Variants in SMO observed in about 807,000 individuals in gnomAD.
The protein encoded by SMO is smoothened, frizzled class receptor.
Under a neutral mutation model 81.6 loss-of-function variants are expected in SMO, and 40 were observed. The ratio of observed to expected loss-of-function variants is 0.49; its 90% CI spans 0.38 to 0.64. The LOEUF is 0.64. SMO is among the 30% of genes least tolerant of loss of function. The probability of loss-of-function intolerance (pLI) is 0.00; values close to 1 mark genes in which losing one functional copy is unlikely to be tolerated. For synonymous variants in SMO, 434 were observed against 432.1 expected, an observed-to-expected ratio of 1.00 and a Z score of -0.05; for missense variants, 916 against 1,061.1, an observed-to-expected ratio of 0.86 and a Z score of 1.90.
intron 1 of SMO, among the ~76,000 whole-genome samples, chr7:129,194,687 A>G (rs1358332363): frequency 6.6e-6 from 1 of 152,226 alleles, no homozygotes; most frequent in Non-Finnish European, 1.5e-5. Context: ...GTACAAAATA[A>G]TATGCTGTGC....
chr7:129,194,851 C>T (rs1164337361), intron 1 of SMO, among the ~76,000 whole-genome samples: 1 of 152,144 alleles, frequency 6.6e-6, no homozygotes, highest in African/African-American at 2.4e-5. Context: ...GGCGCGATCT[C>T]GGCTCACTAC....
At position 129,206,678 on chromosome 7, in the gene SMO, A is replaced by G. The variant is rs1436077259; in HGVS notation, c.1264+91A>G. 3 of 1,421,442 alleles carry G rather than the reference A, an allele frequency of 2.1e-6. No individual in the cohort carries two copies. Among genetic ancestry groups the G allele is most frequent in the Non-Finnish European group, 2.9e-6 (3 of 1,034,048 alleles). 88.1% of individuals were successfully genotyped at this position (1,421,442 alleles called of 1,614,324 possible). On this transcript the variant is annotated intron_variant, in intron 6 of 11. Coordinates refer to ENST00000249373, the MANE Select transcript of SMO (RefSeq NM_005631.5). This position sits in a 1 kb window ranked among gnomAD's most constrained non-coding sequence, Gnocchi z 4.4. The stretch of plus-strand genomic sequence containing the variant: ...GGGAGCTGCCAGCACGGCTGCCCCC[A>G]TGCTGAAACCCCAGCTAGCTCCTAT...
Position 129,206,545 on chromosome 7 carries a change from A to G in SMO, c.1222A>G (p.Ile408Val), listed in dbSNP as rs748959667. 2.5e-5 allele frequency: 40 copies of G among 1,614,048 alleles called. No homozygotes were observed. Among genetic ancestry groups the G allele is most frequent in the South Asian group, 3.3e-5 (3 of 91,084 alleles). The change falls in exon 6 of 12, where the codon ATC (isoleucine) becomes GTC (valine). Residue 408 changes from isoleucine to valine, a missense_variant. By Grantham distance (29) the Ile-to-Val change is conservative. Transcript: ENST00000249373. This position sits in a 1 kb window ranked among gnomAD's most constrained non-coding sequence, Gnocchi z 4.4. ...RYRAGFVLAP[I>V]GLVLIVGGYF... ...CCGTGCGGGCTTCGTGCTGGCCCCA[A>G]TCGGCCTGGTGCTCATCGTGGGAGG... is the stretch of plus-strand genomic sequence containing the variant.
In SMO at chr7:129,206,526, G is replaced by T. The variant is rs117663825; in HGVS notation, c.1203G>T (p.Ala401=). 4.3e-6 allele frequency: 7 copies of T among 1,614,174 alleles called. No homozygotes were observed. In the South Asian group the frequency reaches 7.7e-5, roughly 18 times the overall value. ...FVGYKNYRYR[A]GFVLAPIGLV... is the part of the protein sequence containing the mutation. ...GCTACAAGAACTACCGATACCGTGC[G>T]GGCTTCGTGCTGGCCCCAATCGGCC... is the stretch of plus-strand genomic sequence containing the variant. The change falls in exon 6 of 12, where the codon GCG becomes GCT. Residue 401 remains alanine, a synonymous_variant. Coordinates refer to ENST00000249373, the MANE Select transcript of SMO (RefSeq NM_005631.5). This position sits in a 1 kb window ranked among gnomAD's most constrained non-coding sequence, Gnocchi z 4.4.
Position 129,210,615 on chromosome 7 carries a change from G to T in SMO, c.1652+67G>T, listed in dbSNP as rs2150654183. The stretch of plus-strand genomic sequence containing the variant: ...CCTCAGCCTTGGGACCCCATCTTTA[G>T]GTTTTGTCGGGTCCTGCCTCTAGCA... On this transcript the variant is annotated intron_variant, in intron 9 of 11. Transcript: ENST00000249373. This position sits in a 1 kb window ranked among gnomAD's most constrained non-coding sequence, Gnocchi z 4.7. The T allele has an allele frequency of 7.8e-7, 1 of 1,287,030 alleles. No individual in the cohort carries two copies. 79.7% of individuals were successfully genotyped at this position (1,287,030 alleles called of 1,614,324 possible).
Position 129,208,703 on chromosome 7 carries a change from C to T in SMO, c.1265-56C>T, listed in dbSNP as rs2150652055. 1.8e-6 allele frequency: 2 copies of T among 1,126,180 alleles called. No individual in the cohort carries two copies. The highest frequency in any genetic ancestry group is 1.3e-6 in the Non-Finnish European group (1 of 741,642). 69.8% of individuals were successfully genotyped at this position (1,126,180 alleles called of 1,614,324 possible). Reference sequence around the variant, plus strand: ...AGGACCCTCCTCCCACTCACCCATCCTTCCCAGCAGGGCAGCCTCACCCCT... The same window carrying T: ...AGGACCCTCCTCCCACTCACCCATCTTTCCCAGCAGGGCAGCCTCACCCCT... On this transcript the variant is annotated intron_variant, in intron 6 of 11. Coordinates refer to ENST00000249373, the MANE Select transcript of SMO (RefSeq NM_005631.5). This position sits in a 1 kb window ranked among gnomAD's most constrained non-coding sequence, Gnocchi z 5.2.
chr7:129,212,450 G>C lies in SMO; in HGVS notation c.2363G>C (p.Ter788SerextTer38), dbSNP rs2150657427. 1 of 1,609,172 alleles carries C rather than the reference G, an allele frequency of 6.2e-7. No individual in the cohort carries two copies. Among genetic ancestry groups the C allele is most frequent in the South Asian group, 1.1e-5 (1 of 91,002 alleles). The change falls in exon 12 of 12, where the codon TGA becomes TCA. Residue 788 changes from the stop codon to serine, a stop_lost. Transcript: ENST00000249373. This position sits in a 1 kb window ranked among gnomAD's most constrained non-coding sequence, Gnocchi z 5.0. ...TELMDADSDF* is the reference protein window; with the variant it reads ...TELMDADSDFS ...CTCATGGATGCAGACTCGGACTTCT[G>C]AGCCTGCAGAGCAGGACCTGGGACA...
chr7:129,206,290 C>T lies in SMO; in HGVS notation c.1061C>T (p.Ser354Leu), dbSNP rs200099832. ...CTGGGCACCACCTACCAGCCTCTCT[C>T]GGGCAAGACCTCCTACTTCCACCTG... Reference protein sequence around the residue: ...KALGTTYQPLSGKTSYFHLLT... With the variant: ...KALGTTYQPLLGKTSYFHLLT... Residue 354 changes from serine to leucine, a missense_variant, in exon 5 of 12, where the codon TCG (serine) becomes TTG (leucine). Physicochemically the swap from Ser to Leu is moderately radical, Grantham distance 145. Around this residue, in one of 4 missense-constraint regions of SMO, gnomAD observed 436 missense variants for 570.9 expected, o/e 0.76. Transcript: ENST00000249373. The surrounding 1 kb of genome is among the most constrained non-coding windows in gnomAD (Gnocchi z 4.4). 6.8e-6 allele frequency: 11 copies of T among 1,614,220 alleles called. No homozygotes were observed. Among genetic ancestry groups the T allele is most frequent in the South Asian group, 5.5e-5 (5 of 91,076 alleles).
intron 1 of SMO, among the ~76,000 whole-genome samples, chr7:129,194,276 C>T (rs1380898924): frequency 6.6e-6 from 1 of 152,066 alleles, no homozygotes; most frequent in Non-Finnish European, 1.5e-5. Flanking sequence ...GGCTGGAGTG[C>T]AGTGGCTATT....
chr7:129,189,882 G>A lies in SMO; in HGVS notation c.331+400G>A, dbSNP rs2150638890. On this transcript the variant is annotated intron_variant, in intron 1 of 11. Coordinates refer to ENST00000249373, the MANE Select transcript of SMO (RefSeq NM_005631.5). This position sits in a 1 kb window ranked among gnomAD's most constrained non-coding sequence, Gnocchi z 4.7. Reference sequence around the variant, plus strand: ...ACCCTGGGGAAATTGGAGTTGGAGAGGAAAAGGGGAGGGATGACGGAGGAA... The same window carrying A: ...ACCCTGGGGAAATTGGAGTTGGAGAAGAAAAGGGGAGGGATGACGGAGGAA... 6.6e-6 allele frequency among the ~76,000 whole-genome samples: 1 copy of A among 152,250 alleles called. No homozygotes were observed. The highest frequency in any genetic ancestry group is 1.9e-4 in the East Asian group (1 of 5,182).
chr7:129,210,279 TGG>T lies in SMO; in HGVS notation c.1467-82_1467-81del, dbSNP rs1793847719. On this transcript the variant is annotated intron_variant, in intron 8 of 11. Coordinates refer to ENST00000249373, the MANE Select transcript of SMO (RefSeq NM_005631.5). This position sits in a 1 kb window ranked among gnomAD's most constrained non-coding sequence, Gnocchi z 4.7. ...GTGATCACGCCACCGCACTCTAGCC[TGG>T]GTGACAGAGCAAGATCCTATCTCAA... 1.7e-6 allele frequency: 2 copies of T among 1,204,184 alleles called. No homozygotes were observed. The highest frequency in any genetic ancestry group is 1.8e-5 in the Admixed American group (1 of 55,938). 74.6% of individuals were successfully genotyped at this position (1,204,184 alleles called of 1,614,324 possible). A position where few individuals can be genotyped will look rare whatever the true frequency, so the allele number is the denominator to read the frequency against.
At chr7:129,197,450 G>A (rs189927805) in intron 1 of SMO, among the ~76,000 whole-genome samples, 2 of 151,572 alleles carry the variant, frequency 1.3e-5, no homozygotes, top group East Asian at 3.9e-4. Flanking sequence ...TTTTTTTGGA[G>A]ACGAAGTGTC....
Position 129,203,535 on chromosome 7 carries a change from G to T in SMO, c.483G>T (p.Arg161=), listed in dbSNP as rs1793706340. The T allele has an allele frequency of 1.2e-6, 2 of 1,606,118 alleles. No individual in the cohort carries two copies. Among genetic ancestry groups the T allele is most frequent in the African/African-American group, 1.3e-5 (1 of 74,922 alleles). ...CCTGTGCCATCGTGGAGAGGGAGCG[G>T]GGCTGGCCTGACTTCCTGCGCTGCA... The part of the protein sequence containing the change: ...RGPCAIVERE[R]GWPDFLRCTP... Residue 161 remains arginine (R), a synonymous_variant, in exon 2 of 12, where the codon CGG becomes CGT. Transcript: ENST00000249373.
At chr7:129,197,903 G>C (rs1738953869) in intron 1 of SMO, among the ~76,000 whole-genome samples, 1 of 152,062 alleles carries the variant, frequency 6.6e-6, no homozygotes, top group African/African-American at 2.4e-5. Context: ...TAAAAGTCTA[G>C]ATCAGCCAGG....
chr7:129,212,722 C>T lies in SMO; in HGVS notation c.*271C>T, dbSNP rs1403462295. 3.8e-6 allele frequency: 2 copies of T among 529,092 alleles called. No homozygotes were observed. The highest frequency in any genetic ancestry group is 6.3e-5 in the East Asian group (2 of 31,816). 32.8% of individuals were successfully genotyped at this position (529,092 alleles called of 1,614,324 possible). A position where few individuals can be genotyped will look rare whatever the true frequency, so the allele number is the denominator to read the frequency against. On this transcript the variant is annotated 3_prime_UTR_variant, in exon 12 of 12. Coordinates refer to ENST00000249373, the MANE Select transcript of SMO (RefSeq NM_005631.5). This position sits in a 1 kb window ranked among gnomAD's most constrained non-coding sequence, Gnocchi z 5.0. The stretch of plus-strand genomic sequence containing the variant: ...CCAGCTGCAGCCTGGTTGGCAGCAT[C>T]TGCTCCATCGGGGCAGGGGGTATGC...
chr7:129,197,573 G>T (rs749662638), intron 1 of SMO, among the ~76,000 whole-genome samples: 2 of 152,056 alleles, frequency 1.3e-5, no homozygotes, highest in African/African-American at 4.8e-5. Flanking sequence ...GACTACAGGC[G>T]CATGCCACCA....
At chr7:129,193,785 A>AAATATATATATATAT (rs1563145734) in intron 1 of SMO, among the ~76,000 whole-genome samples, 1 of 26,348 alleles carries the variant, frequency 3.8e-5, no homozygotes, top group African/African-American at 1.7e-4. Flanking sequence ...AAAAAAAAAA[A>AAATATATATATATAT]ATATATATAT....
chr7:129,206,585 G>A lies in SMO; in HGVS notation c.1262G>A (p.Arg421Gln), dbSNP rs968935409. 5.6e-6 allele frequency: 9 copies of A among 1,614,030 alleles called. No individual in the cohort carries two copies. The highest frequency in any genetic ancestry group is 5.3e-5 in the African/African-American group (4 of 74,930). The change falls in exon 6 of 12, where the codon CGA becomes CAA. Residue 421 changes from arginine to glutamine, a missense_variant and splice_region_variant. Coordinates refer to ENST00000249373, the MANE Select transcript of SMO (RefSeq NM_005631.5). The surrounding 1 kb of genome is among the most constrained non-coding windows in gnomAD (Gnocchi z 4.4). The part of the protein sequence containing the change: ...VLIVGGYFLI[R>Q]GVMTLFSIKS... ...ATCGTGGGAGGCTACTTCCTCATCCGAGGTGAGTGAAGACCAGGCCAGGAC... is the reference window on the plus strand; with the variant it reads ...ATCGTGGGAGGCTACTTCCTCATCCAAGGTGAGTGAAGACCAGGCCAGGAC...
Position 129,203,483 on chromosome 7 carries a change from G to T in SMO, c.431G>T (p.Arg144Leu). The change falls in exon 2 of 12, where the codon CGT becomes CTT. Residue 144 changes from arginine to leucine, a missense_variant. Physicochemically the swap from Arg to Leu is moderately radical, Grantham distance 102 (BLOSUM62 -2). Around this residue, in one of 4 missense-constraint regions of SMO, gnomAD observed 436 missense variants for 570.9 expected, o/e 0.76. Coordinates refer to ENST00000249373, the MANE Select transcript of SMO (RefSeq NM_005631.5). ...AATGACCGGGTGGAGCTGCCCAGCC[G>T]TACCCTCTGCCAGGCCACCCGAGGC... The part of the protein sequence containing the change: ...CENDRVELPS[R>L]TLCQATRGPC... 3 of 1,597,588 alleles carry T rather than the reference G, an allele frequency of 1.9e-6. No individual in the cohort carries two copies. The highest frequency in any genetic ancestry group is 1.1e-5 in the South Asian group (1 of 88,334).
Sources: allele counts gnomAD v4.1 joint callset (sites outside exome capture counted in the v4.1 genomes callset), GRCh38; gene constraint gnomAD v4.1.1; regional missense constraint gnomAD v4.1.1; non-coding constraint Gnocchi (gnomAD v3.1); transcripts MANE v1.5; gene names NCBI Gene and HGNC (gene_info 2026-07-23, HGNC 2026-07-21).